VEGFC: variants seen among roughly 807,000 people sequenced by gnomAD.
VEGFC encodes the protein vascular endothelial growth factor C, also known as FLT4 ligand DHM.
A neutral mutation model predicts 46.1 loss-of-function variants in VEGFC; 12 were observed. That is an observed-to-expected ratio of 0.26 (90% CI 0.17 to 0.42). The LOEUF (loss-of-function observed/expected upper bound fraction) is 0.42, where lower values mean the gene tolerates loss of function less well. Ranked by LOEUF, VEGFC falls within the 10% of genes least tolerant of loss-of-function variation. The pLI is 1.00. For synonymous variants in VEGFC, 232 were observed against 195.5 expected, an observed-to-expected ratio of 1.19 and a Z score of -1.56; for missense variants, 488 against 529.4, an observed-to-expected ratio of 0.92 and a Z score of 0.77.
chr4:176,696,749 A>G (rs1734321192), intron 4 of VEGFC, among the ~76,000 whole-genome samples: 1 of 152,232 alleles, frequency 6.6e-6, no homozygotes, highest in Non-Finnish European at 1.5e-5. Context: ...ACAAGGCTAC[A>G]GTAACCAAAA....
At chr4:176,716,974 C>T (rs185701832) in intron 3 of VEGFC, among the ~76,000 whole-genome samples, 2 of 152,256 alleles carry the variant, frequency 1.3e-5, no homozygotes, top group Non-Finnish European at 2.9e-5. Context: ...TTATTCAGCA[C>T]TAGCTAATAG....
At chr4:176,725,914 T>G (rs1734867510) in intron 3 of VEGFC, among the ~76,000 whole-genome samples, 1 of 152,138 alleles carries the variant, frequency 6.6e-6, no homozygotes, top group Non-Finnish European at 1.5e-5. Flanking sequence ...TAAGTATTTC[T>G]ATTTAATTTA....
At position 176,792,602 on chromosome 4, in the gene VEGFC, G is replaced by A; in HGVS notation, c.-291C>T. On this transcript the variant is annotated 5_prime_UTR_variant, in exon 1 of 7. Coordinates refer to ENST00000618562, the MANE Select transcript of VEGFC (RefSeq NM_005429.5). The surrounding 1 kb of genome is among the most constrained non-coding windows in gnomAD (Gnocchi z 6.3). ...ATTCGGAGCCCGCGAGGTGAAGCGA[G>A]GGCGAGGGAGGACGCCGCCGCGGTC... 3.3e-6 allele frequency: 1 copy of A among 302,646 alleles called. No individual in the cohort carries two copies. Among genetic ancestry groups the A allele is most frequent in the Non-Finnish European group, 6.0e-6 (1 of 165,966 alleles). The allele number at this position is 302,646 out of a possible 1,614,324, so 18.7% of individuals were successfully genotyped here. A position where few individuals can be genotyped will look rare whatever the true frequency, so the allele number is the denominator to read the frequency against.
At position 176,780,736 on chromosome 4, in the gene VEGFC, A is replaced by T. The variant is rs562521015; in HGVS notation, c.147+11429T>A. 3.2e-3 allele frequency among the ~76,000 whole-genome samples: 484 copies of T among 152,302 alleles called. 2 individuals are homozygous for T. Among genetic ancestry groups the T allele is most frequent in the Non-Finnish European group, 4.6e-3 (312 of 68,022 alleles). Reference sequence around the variant, plus strand: ...TTGAATTTCAGGTGTTTTGCACTAGAGGAAGCCCGAGCGTCAGTCTTCTAC... The same window carrying T: ...TTGAATTTCAGGTGTTTTGCACTAGTGGAAGCCCGAGCGTCAGTCTTCTAC... On this transcript the variant is annotated intron_variant, in intron 1 of 6. Coordinates refer to ENST00000618562, the MANE Select transcript of VEGFC (RefSeq NM_005429.5).
chr4:176,697,806 T>C (rs1329577627), intron 4 of VEGFC, among the ~76,000 whole-genome samples: 1,439 of 116,848 alleles, frequency 0.012, no homozygotes, highest in African/African-American at 0.015. Flanking sequence ...TATGCAGCCA[T>C]AAAAAATGAT....
chr4:176,686,532 G>T (rs1476889149), intron 6 of VEGFC, among the ~76,000 whole-genome samples: 1 of 152,148 alleles, frequency 6.6e-6, no homozygotes, highest in African/African-American at 2.4e-5. Context: ...AAGGAATGTG[G>T]AGAAAATGTC....
At position 176,687,401 on chromosome 4, in the gene VEGFC, C is replaced by G. The variant is rs774948307; in HGVS notation, c.931G>C (p.Asp311His). The G allele has an allele frequency of 8.1e-6, 13 of 1,614,048 alleles. No individual in the cohort carries two copies. In the South Asian group the frequency reaches 1.2e-4, roughly 15 times the overall value. ...PASCGPHKEL[D>H]RNSCQCVCKN... ...CAGACACACTGGCATGAGTTTCTGT[C>G]TAGTTCTTTGTGGGGTCCACAGCTG... Residue 311 changes from aspartate to histidine, a missense_variant, in exon 6 of 7, where the codon GAC (aspartate) becomes CAC (histidine). Physicochemically the swap from Asp to His is moderately conservative, Grantham distance 81. Coordinates refer to ENST00000618562, the MANE Select transcript of VEGFC (RefSeq NM_005429.5).
chr4:176,773,438 C>G (rs1402920709), intron 1 of VEGFC, among the ~76,000 whole-genome samples: 1 of 152,122 alleles, frequency 6.6e-6, no homozygotes, highest in Non-Finnish European at 1.5e-5. Context: ...CTGATACTCT[C>G]AAAATAGTTA....
intron 5 of VEGFC, 54 bp from the exon 6 acceptor site, chr4:176,687,574 C>G: frequency 2.1e-6 from 3 of 1,451,186 alleles, no homozygotes; most frequent in Non-Finnish European, 2.7e-6. Context: ...CTGGGTGTGG[C>G]ATGAAACAAA....
intron 1 of VEGFC, among the ~76,000 whole-genome samples, chr4:176,784,447 T>A (rs1254159511): frequency 2.0e-5 from 3 of 151,674 alleles, no homozygotes; most frequent in Non-Finnish European, 2.9e-5. Context: ...AGAGGACTTT[T>A]AAAAGGATAA....
intron 3 of VEGFC, among the ~76,000 whole-genome samples, chr4:176,726,906 A>G (rs1734881572): frequency 6.6e-6 from 1 of 152,208 alleles, no homozygotes; most frequent in Non-Finnish European, 1.5e-5. Flanking sequence ...AGCCAGATTT[A>G]CGTGTGTGAG....
intron 5 of VEGFC, 111 bp downstream of exon 5, chr4:176,687,710 G>A: frequency 2.9e-6 from 3 of 1,021,328 alleles, no homozygotes; most frequent in Admixed American, 2.7e-5. Context: ...CTATTTTTTA[G>A]TCACTTATTT....
At chr4:176,690,552 T>C (rs1734138259) in intron 4 of VEGFC, among the ~76,000 whole-genome samples, 1 of 152,184 alleles carries the variant, frequency 6.6e-6, no homozygotes, top group Non-Finnish European at 1.5e-5. Flanking sequence ...TTTGTCATTA[T>C]TTTCTAGGTT....
intron 1 of VEGFC, among the ~76,000 whole-genome samples, chr4:176,737,316 T>TAGAATATATTTATAATATATAAATAC (rs1560950557): frequency 3.3e-4 from 48 of 146,934 alleles, no homozygotes; most frequent in African/African-American, 1.1e-3. Flanking sequence ...TATATAAATA[T>TAGAATATATTTATAATATATAAATAC]AGAATATATT....
intron 1 of VEGFC, among the ~76,000 whole-genome samples, chr4:176,764,623 T>C (rs2110916232): frequency 6.6e-6 from 1 of 152,278 alleles, no homozygotes; most frequent in East Asian, 1.9e-4. Context: ...AGGCTCTGAA[T>C]GGGTATCCTG....
intron 3 of VEGFC, among the ~76,000 whole-genome samples, chr4:176,724,634 G>A (rs1297278161): frequency 6.6e-6 from 1 of 152,164 alleles, no homozygotes; most frequent in African/African-American, 2.4e-5. Flanking sequence ...TCAGGAAAGA[G>A]GAGACAGGAA....
At chr4:176,714,092 T>C (rs987291592) in intron 3 of VEGFC, among the ~76,000 whole-genome samples, 7 of 152,156 alleles carry the variant, frequency 4.6e-5, no homozygotes, top group Admixed American at 3.3e-4. Context: ...CGCACAGTGT[T>C]TGTAATCTGA....
intron 1 of VEGFC, among the ~76,000 whole-genome samples, chr4:176,732,872 C>G (rs1471603793): frequency 6.6e-6 from 1 of 151,640 alleles, no homozygotes; most frequent in East Asian, 1.9e-4. Flanking sequence ...ATAAAACACA[C>G]AAATGATAAA....
At chr4:176,765,628 T>C (rs1042456051) in intron 1 of VEGFC, among the ~76,000 whole-genome samples, 3 of 148,400 alleles carry the variant, frequency 2.0e-5, no homozygotes, top group African/African-American at 7.5e-5. Context: ...TGATCTCGGC[T>C]CACTGTAACC....
Sources: allele counts gnomAD v4.1 joint callset (sites outside exome capture counted in the v4.1 genomes callset), GRCh38; gene constraint gnomAD v4.1.1; non-coding constraint Gnocchi (gnomAD v3.1); transcripts MANE v1.5; gene names NCBI Gene and HGNC (gene_info 2026-07-23, HGNC 2026-07-21).